Variants in ATP6V0D2 observed in about 807,000 individuals in gnomAD.
ATP6V0D2 encodes the protein V-type proton ATPase subunit d 2.
A neutral mutation model predicts 40.0 loss-of-function variants in ATP6V0D2; 40 were observed. That is an observed-to-expected ratio of 1.00 (90% CI 0.78 to 1.30). The LOEUF is 1.30. Among genes scored for constraint, ATP6V0D2 ranks in the 50% most tolerant of loss-of-function variants. The pLI is 0.00. For synonymous variants in ATP6V0D2, 179 were observed against 156.3 expected (o/e 1.15, Z -1.08); for missense variants, 470 against 423.1 (o/e 1.11, Z -0.97).
rs574492421 is a variant in ATP6V0D2 at position 86,147,656 on chromosome 8, G to A, written c.640-2456G>A. 3.9e-5 allele frequency among the ~76,000 whole-genome samples: 6 copies of A among 152,218 alleles called. No individual in the cohort carries two copies. In the South Asian group the frequency reaches 1.2e-3, roughly 32 times the overall value. ...GCCTCTAGACTAGAAGAGTAAGGTA[G>A]ATATATAGTCAGTTATGATAAAAGG... On this transcript the variant is annotated intron_variant, in intron 5 of 7. Transcript: ENST00000285393.
intron 2 of ATP6V0D2, among the ~76,000 whole-genome samples, chr8:86,122,169 G>C (rs568948945): frequency 9.5e-4 from 145 of 152,086 alleles, no homozygotes; most frequent in African/African-American, 3.3e-3. Flanking sequence ...TTGAAACCAG[G>C]CATCTTTTTA....
At chr8:86,135,727 T>G (rs890043732) in intron 2 of ATP6V0D2, among the ~76,000 whole-genome samples, 1 of 152,202 alleles carries the variant, frequency 6.6e-6, no homozygotes, top group Non-Finnish European at 1.5e-5. Context: ...AGGACATTTG[T>G]CTAGACCATG....
intron 1 of ATP6V0D2, among the ~76,000 whole-genome samples, chr8:86,105,621 CT>C (rs757847208): frequency 1.0e-3 from 139 of 133,260 alleles, no homozygotes; most frequent in African/African-American, 2.2e-3. Context: ...TTTTTCTTTT[CT>C]TTTTTTTTTT....
chr8:86,131,427 T>G (rs1818824653), intron 2 of ATP6V0D2, among the ~76,000 whole-genome samples: 1 of 151,898 alleles, frequency 6.6e-6, no homozygotes, highest in Admixed American at 6.6e-5. Context: ...TCTCGATCTC[T>G]TGACCTCAAG....
At chr8:86,120,625 C>A (rs549324723) in intron 2 of ATP6V0D2, among the ~76,000 whole-genome samples, 1 of 152,190 alleles carries the variant, frequency 6.6e-6, no homozygotes, top group African/African-American at 2.4e-5. Context: ...CTCCAACACT[C>A]TTGTATTTAA....
intron 1 of ATP6V0D2, among the ~76,000 whole-genome samples, chr8:86,112,630 G>A (rs1392713461): frequency 6.6e-6 from 1 of 152,056 alleles, no homozygotes; most frequent in East Asian, 1.9e-4. Context: ...ACATTGAAGT[G>A]TAGATTATAA....
chr8:86,136,419 G>A (rs935465830), intron 2 of ATP6V0D2, among the ~76,000 whole-genome samples: 3 of 152,016 alleles, frequency 2.0e-5, no homozygotes, highest in African/African-American at 7.2e-5. Flanking sequence ...GGGAGGTTGT[G>A]GGGAACAATT....
At chr8:86,104,616 G>T (rs1818444450) in intron 1 of ATP6V0D2, among the ~76,000 whole-genome samples, 2 of 152,094 alleles carry the variant, frequency 1.3e-5, no homozygotes, top group Non-Finnish European at 2.9e-5. Context: ...CGTGAAGCTA[G>T]GAACGAGTGG....
chr8:86,152,982 A>G lies in ATP6V0D2; in HGVS notation c.*5A>G. The G allele has an allele frequency of 6.3e-7, 1 of 1,581,104 alleles. No individual in the cohort carries two copies. Among genetic ancestry groups the G allele is most frequent in the Non-Finnish European group, 8.6e-7 (1 of 1,168,466 alleles). ...AGTTACATTCCAATTTTATAACCCA[A>G]GTAAGGTTCTCAAATGTAGAAAATT... On this transcript the variant is annotated 3_prime_UTR_variant, in exon 8 of 8. Transcript: ENST00000285393.
rs201622171 is a variant in ATP6V0D2 at position 86,139,623 on chromosome 8, G to T, written c.469G>T (p.Glu157Ter). The change falls in exon 3 of 8, where the codon GAA (glutamate) becomes TAA (stop). Residue 157 changes from glutamate to a stop codon, truncating the protein, a stop_gained. Coordinates refer to ENST00000285393, the MANE Select transcript of ATP6V0D2 (RefSeq NM_152565.1). LOFTEE classifies it high-confidence loss of function. ...PSDLFNAILI[E>*]TPLAPFFQDC... ...AGATCTCTTTAATGCCATTCTGATC[G>T]AAACGCCATTAGGTAGGAACACTTA... is the stretch of plus-strand genomic sequence containing the variant. 6.3e-7 allele frequency: 1 copy of T among 1,596,276 alleles called. No individual in the cohort carries two copies.
chr8:86,113,401 G>C (rs910456426), intron 1 of ATP6V0D2, among the ~76,000 whole-genome samples: 1 of 152,100 alleles, frequency 6.6e-6, no homozygotes, highest in Non-Finnish European at 1.5e-5. Flanking sequence ...AAAATTGCGC[G>C]AACCCAAGAG....
intron 2 of ATP6V0D2, among the ~76,000 whole-genome samples, chr8:86,128,603 G>C (rs567855303): frequency 6.6e-6 from 1 of 152,292 alleles, no homozygotes; most frequent in East Asian, 1.9e-4. Context: ...TGAGATTACT[G>C]ATTACATTTC....
chr8:86,148,154 C>T (rs1819097198), intron 5 of ATP6V0D2, among the ~76,000 whole-genome samples: 1 of 152,196 alleles, frequency 6.6e-6, no homozygotes, highest in Non-Finnish European at 1.5e-5. Flanking sequence ...ACATCTATGA[C>T]AATTACCTCC....
chr8:86,138,838 C>A (rs1431918513), intron 2 of ATP6V0D2, among the ~76,000 whole-genome samples: 3 of 152,214 alleles, frequency 2.0e-5, no homozygotes, highest in Admixed American at 1.3e-4. Flanking sequence ...TCACCCCCCA[C>A]CATCACATTT....
intron 1 of ATP6V0D2, among the ~76,000 whole-genome samples, chr8:86,102,669 G>T (rs1818418435): frequency 6.6e-6 from 1 of 152,192 alleles, no homozygotes; most frequent in South Asian, 2.1e-4. Context: ...ATTCATAATT[G>T]TGCTTAATTG....
chr8:86,123,954 T>C (rs1390631206), intron 2 of ATP6V0D2, among the ~76,000 whole-genome samples: 3 of 152,180 alleles, frequency 2.0e-5, no homozygotes, highest in South Asian at 2.1e-4. Context: ...CATAGATATG[T>C]TGAGTTTTGT....
chr8:86,136,409 G>A (rs1251855303), intron 2 of ATP6V0D2, among the ~76,000 whole-genome samples: 2 of 152,090 alleles, frequency 1.3e-5, no homozygotes, highest in South Asian at 4.1e-4. Context: ...TACATTGCAG[G>A]GGAGGTTGTG....
intron 1 of ATP6V0D2, among the ~76,000 whole-genome samples, chr8:86,107,753 G>A (rs1184425592): frequency 1.3e-5 from 2 of 152,184 alleles, no homozygotes; most frequent in African/African-American, 2.4e-5. Context: ...TCGATTCAAA[G>A]ATTGCTGCAG....
At chr8:86,125,866 G>A (rs934795877) in intron 2 of ATP6V0D2, among the ~76,000 whole-genome samples, 6 of 151,082 alleles carry the variant, frequency 4.0e-5, no homozygotes, top group Admixed American at 1.3e-4. Context: ...TATAATTTTT[G>A]CATAAATATA....
Sources: gnomAD v4.1 joint callset for allele counts (sites outside exome capture counted in the v4.1 genomes callset) on GRCh38, gnomAD v4.1.1 for gene constraint, MANE v1.5 for transcripts, NCBI Gene and HGNC (gene_info 2026-07-23, HGNC 2026-07-21) for gene names.